Variants in CNGA3 observed in about 807,000 individuals in gnomAD.
CNGA3 encodes the protein cyclic nucleotide gated channel subunit alpha 3, also known as cyclic nucleotide-gated channel alpha-3.
CNGA3 carries 42 observed loss-of-function variants against 46.6 expected under a neutral mutation model. The ratio of observed to expected loss-of-function variants is 0.90; its 90% confidence interval spans 0.70 to 1.17. The LOEUF (loss-of-function observed/expected upper bound fraction) is 1.17. Among genes scored for constraint, CNGA3 ranks in the 50% most tolerant of loss-of-function variants. The pLI is 0.00. For synonymous variants in CNGA3, 394 were observed against 369.4 expected, an observed-to-expected ratio of 1.07 and a Z score of -0.76; for missense variants, 893 against 890.7, an observed-to-expected ratio of 1.00 and a Z score of -0.03.
rs1053095757 is a variant in CNGA3, at chr2:98,383,296, T to C, written c.396-92T>C. ...AGGCTGGAAGCAGTGGGATAGGGAT[T>C]GGGGGGTGGGGCATGGTAATCCCCT... On this transcript the variant is annotated intron_variant, in intron 4 of 7. Coordinates refer to ENST00000272602, the MANE Select transcript of CNGA3 (RefSeq NM_001298.3). 4.2e-6 allele frequency: 5 copies of C among 1,197,486 alleles called. No individual in the cohort carries two copies. The Admixed American group carries it at 5.2e-5, about 12-fold the overall frequency. The allele number at this position is 1,197,486 out of a possible 1,614,324, so 74.2% of individuals were successfully genotyped here.
intron 7 of CNGA3, among the ~76,000 whole-genome samples, chr2:98,392,200 C>T (rs1422745662): frequency 6.6e-6 from 1 of 152,206 alleles, no homozygotes; most frequent in African/African-American, 2.4e-5. Flanking sequence ...TCTGCTCTTC[C>T]AACAAGCTGT....
intron 1 of CNGA3, among the ~76,000 whole-genome samples, chr2:98,364,120 G>C (rs1032770249): frequency 2.0e-5 from 3 of 152,150 alleles, no homozygotes; most frequent in African/African-American, 7.2e-5. Context: ...GCTCATGCCT[G>C]TAATCCCAGC....
At position 98,391,929 on chromosome 2, in the gene CNGA3, A is replaced by T; in HGVS notation, c.632A>T (p.Asp211Val). The change falls in exon 7 of 8, where the codon GAT becomes GTT. Residue 211 changes from aspartate (D) to valine (V), a missense_variant. Around this residue, in one of 3 missense-constraint regions of CNGA3, gnomAD observed 333 missense variants for 290.8 expected, o/e 1.15. Transcript: ENST00000272602. ...TGGCTGGTCCTGGACTACTCGGCAG[A>T]TGTCCTGTATGTCTTGGATGTGCTT... ...MLWLVLDYSADVLYVLDVLVR... is the reference protein window; with the variant it reads ...MLWLVLDYSAVVLYVLDVLVR... 1 of 1,614,080 alleles carries T rather than the reference A, an allele frequency of 6.2e-7. No homozygotes were observed. Among genetic ancestry groups the T allele is most frequent in the Non-Finnish European group, 8.5e-7 (1 of 1,179,988 alleles).
intron 1 of CNGA3, among the ~76,000 whole-genome samples, chr2:98,358,930 AG>A (rs1005572810): frequency 1.3e-5 from 2 of 152,362 alleles, no homozygotes; most frequent in African/African-American, 4.8e-5. Flanking sequence ...CACTTACTGT[AG>A]CCCAAATATC....
intron 3 of CNGA3, chr2:98,379,868 T>A (rs929355553): frequency 2.1e-6 from 1 of 470,924 alleles, no homozygotes; most frequent in Non-Finnish European, 3.9e-6. Flanking sequence ...ATTTGAAGGA[T>A]CATGCCTTAG....
chr2:98,349,968 G>A (rs775354103), intron 1 of CNGA3, among the ~76,000 whole-genome samples: 1 of 152,214 alleles, frequency 6.6e-6, no homozygotes, highest in African/African-American at 2.4e-5. Context: ...GGGGGAGACA[G>A]TGATGCCATT....
Position 98,396,781 on chromosome 2 carries a change from G to C in CNGA3, c.1611G>C (p.Gln537His). ...TGGTGGCTGATGATGGGGTCACCCA[G>C]TTCGTGGTCCTCAGCGATGGCAGCT... is the stretch of plus-strand genomic sequence containing the variant. ...LAVVADDGVT[Q>H]FVVLSDGSYF... is the part of the protein sequence containing the mutation. The change falls in exon 8 of 8, where the codon CAG becomes CAC. Residue 537 changes from glutamine to histidine, a missense_variant. Gln to His is a conservative substitution (Grantham distance 24). This residue lies in a region of CNGA3 where 548 missense variants were observed against 570.8 expected (regional missense o/e 0.96). Coordinates refer to ENST00000272602, the MANE Select transcript of CNGA3 (RefSeq NM_001298.3). 1.2e-6 allele frequency: 2 copies of C among 1,614,236 alleles called. No individual in the cohort carries two copies. The highest frequency in any genetic ancestry group is 1.7e-6 in the Non-Finnish European group (2 of 1,180,048).
At chr2:98,362,304 C>T (rs1465712361) in intron 1 of CNGA3, among the ~76,000 whole-genome samples, 5 of 151,006 alleles carry the variant, frequency 3.3e-5, no homozygotes, top group Non-Finnish European at 4.4e-5. Context: ...CTCAGCCTCC[C>T]GAGTAGCTAG....
intron 1 of CNGA3, among the ~76,000 whole-genome samples, chr2:98,365,131 C>T (rs62156316): frequency 0.047 from 7,191 of 151,656 alleles, 203 homozygotes; most frequent in African/African-American, 0.068. Flanking sequence ...TCCGCCTCCC[C>T]GGTTCAAGCG....
At position 98,369,923 on chromosome 2, in the gene CNGA3, T is replaced by C; in HGVS notation, c.-37-16T>C. 2.7e-6 allele frequency: 4 copies of C among 1,487,448 alleles called. No individual in the cohort carries two copies. In the Admixed American group the frequency reaches 6.8e-5, roughly 25 times the overall value. The allele number at this position is 1,487,448 out of a possible 1,614,324, so 92.1% of individuals were successfully genotyped here. A position where few individuals can be genotyped will look rare whatever the true frequency, so the allele number is the denominator to read the frequency against. ...TCCTGTCCTGATGACGTGTCTGCTT[T>C]GTGTTCACATTTTAGCAATCATCTG... On this transcript the variant is annotated splice_polypyrimidine_tract_variant and intron_variant, in intron 1 of 7. Transcript: ENST00000272602.
At chr2:98,380,501 T>TG in intron 4 of CNGA3, 147 bp downstream of exon 4, 2 of 1,055,068 alleles carry the variant, frequency 1.9e-6, no homozygotes, top group Non-Finnish European at 2.8e-6. Context: ...TGTTTGCCCT[T>TG]GGGGGAGCAC....
chr2:98,391,807 TG>T, intron 6 of CNGA3, 56 bp from the exon 7 acceptor site: 1 of 1,545,688 alleles, frequency 6.5e-7, no homozygotes, highest in Non-Finnish European at 8.9e-7. Flanking sequence ...CACAGGTGGG[TG>T]GTCCACGCTC....
At chr2:98,357,424 G>A (rs1207806185) in intron 1 of CNGA3, among the ~76,000 whole-genome samples, 2 of 152,194 alleles carry the variant, frequency 1.3e-5, no homozygotes, top group Non-Finnish European at 2.9e-5. Flanking sequence ...CTCCTTAATG[G>A]TCCCTAAGGC....
At chr2:98,389,016 T>G (rs1692722901) in intron 5 of CNGA3, among the ~76,000 whole-genome samples, 1 of 152,216 alleles carries the variant, frequency 6.6e-6, no homozygotes, top group African/African-American at 2.4e-5. Context: ...AGAATAAAAG[T>G]TAAGCACTCT....
rs146800017 is a variant in CNGA3 at position 98,361,469 on chromosome 2, T to C, written c.-37-8470T>C. 6.4e-3 allele frequency among the ~76,000 whole-genome samples: 976 copies of C among 152,318 alleles called. 9 individuals carry two copies. Among genetic ancestry groups the C allele is most frequent in the African/African-American group, 0.022 (918 of 41,568 alleles). ...GGTTGATTCCATGTCTTTGCTATTG[T>C]GAATAGTGCCACAATGAACATATGC... On this transcript the variant is annotated intron_variant, in intron 1 of 7. Transcript: ENST00000272602.
At chr2:98,360,511 T>TGTCA (rs1692006215) in intron 1 of CNGA3, among the ~76,000 whole-genome samples, 1 of 152,254 alleles carries the variant, frequency 6.6e-6, no homozygotes, top group African/African-American at 2.4e-5. Flanking sequence ...CCCACTTGAC[T>TGTCA]GTCAGCTCCT....
chr2:98,389,636 T>G, intron 5 of CNGA3, 22 bp from the exon 6 acceptor site: 3 of 1,597,376 alleles, frequency 1.9e-6, no homozygotes, highest in Non-Finnish European at 2.6e-6. Flanking sequence ...AGTGCGCTGT[T>G]TGTGTATGTG....
At chr2:98,377,978 T>A in intron 3 of CNGA3, 178 bp downstream of exon 3, 1 of 1,461,944 alleles carries the variant, frequency 6.8e-7, no homozygotes, top group Non-Finnish European at 9.2e-7. Flanking sequence ...GGTCAGATGT[T>A]CTGAGCTCAG....
intron 1 of CNGA3, among the ~76,000 whole-genome samples, chr2:98,349,675 A>C (rs575095011): frequency 6.6e-6 from 1 of 152,362 alleles, no homozygotes; most frequent in South Asian, 2.1e-4. Flanking sequence ...GACCAGAAGC[A>C]ACCTCTGTTC....
Sources: allele counts gnomAD v4.1 joint callset (sites outside exome capture counted in the v4.1 genomes callset), GRCh38; gene constraint gnomAD v4.1.1; regional missense constraint gnomAD v4.1.1; transcripts MANE v1.5; gene names NCBI Gene and HGNC (gene_info 2026-07-23, HGNC 2026-07-21).